Variants in TCF12 observed in about 807,000 individuals in gnomAD.
The protein encoded by TCF12 is DNA-binding protein HTF4.
TCF12 carries 45 observed loss-of-function variants against 86.0 expected under a neutral mutation model. That is an observed-to-expected ratio of 0.52 (90% CI 0.41 to 0.67). TCF12 has a LOEUF of 0.67. Ranked by LOEUF, TCF12 falls within the 30% of genes least tolerant of loss-of-function variation. The probability of loss-of-function intolerance (pLI) is 0.00; values close to 1 mark genes in which losing one functional copy is unlikely to be tolerated. For synonymous variants in TCF12, 330 were observed against 299.6 expected (o/e 1.10, Z -1.05); for missense variants, 881 against 859.9 (o/e 1.02, Z -0.31).
intron 12 of TCF12, among the ~76,000 whole-genome samples, chr15:57,241,370 G>A (rs1361314849): frequency 1.3e-5 from 2 of 151,894 alleles, no homozygotes; most frequent in African/African-American, 4.8e-5. Context: ...GGGATTATAG[G>A]CGTGAGCTAC....
chr15:56,969,557 A>G lies in TCF12; in HGVS notation c.148+48459A>G, dbSNP rs1323321471. On this transcript the variant is annotated intron_variant, in intron 3 of 20. Transcript: ENST00000333725. ...GAGATTTTTTTTTTTTTTTTTTTTG[A>G]GACGAGATTTCATTCTGTCACCCGG... Among the ~76,000 whole-genome samples the G allele has an allele frequency of 4.3e-5, 3 of 70,040 alleles. No individual in the cohort carries two copies. In the South Asian group the frequency reaches 1.3e-3, roughly 30 times the overall value. 45.9% of individuals were successfully genotyped at this position (70,040 alleles called of 152,430 possible). A position where few individuals can be genotyped will look rare whatever the true frequency, so the allele number is the denominator to read the frequency against.
At chr15:57,196,526 C>T (rs1393441707) in intron 7 of TCF12, among the ~76,000 whole-genome samples, 12 of 152,186 alleles carry the variant, frequency 7.9e-5, no homozygotes, top group African/African-American at 2.9e-4. Context: ...CATGTGTTCT[C>T]TCTTCCTAAT....
intron 12 of TCF12, among the ~76,000 whole-genome samples, chr15:57,242,438 C>T (rs773982045): frequency 6.6e-6 from 1 of 152,124 alleles, no homozygotes; most frequent in African/African-American, 2.4e-5. Context: ...CCTGTAATCC[C>T]AGCACTTTGG....
intron 5 of TCF12, among the ~76,000 whole-genome samples, chr15:57,131,288 G>A (rs1293368755): frequency 1.3e-5 from 2 of 152,166 alleles, no homozygotes; most frequent in Non-Finnish European, 2.9e-5. Flanking sequence ...CATTTCTGGT[G>A]AATGGGTGTA....
intron 7 of TCF12, among the ~76,000 whole-genome samples, chr15:57,193,967 A>G (rs1298331015): frequency 6.6e-6 from 1 of 152,192 alleles, no homozygotes; most frequent in Admixed American, 6.5e-5. Flanking sequence ...TTTCCTACCT[A>G]ATGAGTTAGT....
chr15:57,096,414 A>G (rs940860005), intron 5 of TCF12, among the ~76,000 whole-genome samples: 2 of 152,136 alleles, frequency 1.3e-5, no homozygotes, highest in South Asian at 2.1e-4. Context: ...AAAAAAGATC[A>G]TGAAAGTTCT....
chr15:57,086,209 G>GATA (rs1404728992), intron 4 of TCF12, among the ~76,000 whole-genome samples: 3 of 39,364 alleles, frequency 7.6e-5, no homozygotes, highest in African/African-American at 2.6e-4. Context: ...CTTGGATGAT[G>GATA]ATGATAATAA....
At chr15:57,009,392 T>C (rs1332572292) in intron 3 of TCF12, among the ~76,000 whole-genome samples, 2 of 152,186 alleles carry the variant, frequency 1.3e-5, no homozygotes, top group Non-Finnish European at 2.9e-5. Flanking sequence ...ATTACAGGTA[T>C]GAACCACTGT....
intron 6 of TCF12, among the ~76,000 whole-genome samples, chr15:57,176,624 T>C (rs2055931203): frequency 1.3e-5 from 2 of 152,190 alleles, no homozygotes; most frequent in Non-Finnish European, 2.9e-5. Flanking sequence ...CTCAAGAAGT[T>C]ATATAATTCA....
chr15:57,106,091 TAGAA>T (rs1567434581), intron 5 of TCF12, among the ~76,000 whole-genome samples: 2 of 152,216 alleles, frequency 1.3e-5, no homozygotes, highest in African/African-American at 4.8e-5. Flanking sequence ...TAGGTGCTGA[TAGAA>T]AGATCTCTGA....
intron 4 of TCF12, among the ~76,000 whole-genome samples, chr15:57,090,288 A>G (rs1206951965): frequency 6.6e-6 from 1 of 152,174 alleles, no homozygotes; most frequent in East Asian, 1.9e-4. Flanking sequence ...GAGCCATACT[A>G]TTGTGTATAT....
At chr15:57,113,030 C>T (rs1046529911) in intron 5 of TCF12, among the ~76,000 whole-genome samples, 2 of 152,206 alleles carry the variant, frequency 1.3e-5, no homozygotes, top group African/African-American at 2.4e-5. Flanking sequence ...CATCATTGTT[C>T]TGTGTGTCCT....
intron 8 of TCF12, among the ~76,000 whole-genome samples, chr15:57,206,929 G>GAAA (rs35816408): frequency 3.2e-5 from 4 of 125,938 alleles, no homozygotes; most frequent in East Asian, 2.2e-4. Context: ...TGTCTCTACA[G>GAAA]AAAAAAAAAA....
chr15:57,232,401 T>C lies in TCF12; in HGVS notation c.796T>C (p.Tyr266His). ...STSHMSQSSS[Y>H]GNLHSHDRLS... is the part of the protein sequence containing the mutation. ...TTCCCACATGTCTCAATCCAGTAGT[T>C]ATGGCAACCTTCATTCACATGACCG... is the stretch of plus-strand genomic sequence containing the variant. Residue 266 changes from tyrosine to histidine, a missense_variant, in exon 10 of 21, where the codon TAT (tyrosine) becomes CAT (histidine). Around this residue, in one of 3 missense-constraint regions of TCF12, gnomAD observed 766 missense variants for 718.9 expected, o/e 1.07. Transcript: ENST00000333725. 6.2e-7 allele frequency: 1 copy of C among 1,610,364 alleles called. No homozygotes were observed. The highest frequency in any genetic ancestry group is 8.5e-7 in the Non-Finnish European group (1 of 1,178,942).
chr15:57,139,196 A>G (rs2052773964), intron 5 of TCF12, among the ~76,000 whole-genome samples: 1 of 151,984 alleles, frequency 6.6e-6, no homozygotes, highest in Non-Finnish European at 1.5e-5. Context: ...TCCTTCTCCA[A>G]TATCCTTTCC....
At chr15:57,277,765 C>G (rs1364458849) in intron 19 of TCF12, among the ~76,000 whole-genome samples, 1 of 151,654 alleles carries the variant, frequency 6.6e-6, no homozygotes, top group Non-Finnish European at 1.5e-5. Flanking sequence ...ACAGTTAGGC[C>G]GCATCTCTAA....
chr15:57,199,519 T>C (rs1202958673), intron 8 of TCF12, among the ~76,000 whole-genome samples: 4 of 152,224 alleles, frequency 2.6e-5, no homozygotes, highest in African/African-American at 9.6e-5. Context: ...TGTTCAGTGT[T>C]CCATAGTTCT....
chr15:57,152,561 A>G (rs1162336218), intron 5 of TCF12, among the ~76,000 whole-genome samples: 2 of 152,192 alleles, frequency 1.3e-5, no homozygotes, highest in Admixed American at 1.3e-4. Context: ...AAACAGAGGT[A>G]AATAATTCCT....
chr15:57,103,257 G>A (rs2049884369), intron 5 of TCF12, among the ~76,000 whole-genome samples: 1 of 152,116 alleles, frequency 6.6e-6, no homozygotes, highest in African/African-American at 2.4e-5. Flanking sequence ...TGTAAATTGT[G>A]GATTTTGATG....
Sources: gnomAD v4.1 joint callset for allele counts (sites outside exome capture counted in the v4.1 genomes callset) on GRCh38, gnomAD v4.1.1 for gene constraint, gnomAD v4.1.1 regional missense constraint, MANE v1.5 for transcripts, NCBI Gene and HGNC (gene_info 2026-07-23, HGNC 2026-07-21) for gene names.